The following CANT1 variants were observed in gnomAD, a reference collection of about 807,000 sequenced individuals.
CANT1 encodes the protein calcium activated nucleotidase 1, also known as soluble calcium-activated nucleotidase 1.
Under a neutral mutation model 30.0 loss-of-function variants are expected in CANT1, and 26 were observed. The observed-to-expected ratio is 0.87, with a 90% CI of 0.64 to 1.20. The LOEUF (loss-of-function observed/expected upper bound fraction) is 1.20, where lower values mean the gene tolerates loss of function less well. CANT1 is among the 50% of genes most tolerant of loss of function. CANT1 has a pLI of 0.00. For missense variants in CANT1, 518 were observed against 563.0 expected, an observed-to-expected ratio of 0.92 and a Z score of 0.81; for synonymous variants, 246 against 251.8, an observed-to-expected ratio of 0.98 and a Z score of 0.22.
chr17:78,996,601 G>T lies in CANT1; in HGVS notation c.631+391C>A, dbSNP rs564337513. On this transcript the variant is annotated intron_variant, in intron 3 of 4. Coordinates refer to ENST00000392446, the MANE Select transcript of CANT1 (RefSeq NM_001159773.2). This position sits in a 1 kb window ranked among gnomAD's most constrained non-coding sequence, Gnocchi z 5.1. ...TCTGGGTTTTGAGTGAGAACCATCT[G>T]TCCCCATGGCTTTCAGGGCAAGGCT... 1.3e-5 allele frequency among the ~76,000 whole-genome samples: 2 copies of T among 152,166 alleles called. No individual in the cohort carries two copies. Among genetic ancestry groups the T allele is most frequent in the African/African-American group, 4.8e-5 (2 of 41,426 alleles).
Position 78,993,590 on chromosome 17 carries a change from T to C in CANT1, c.1166A>G (p.Lys389Arg). 6.2e-7 allele frequency: 1 copy of C among 1,614,268 alleles called. No homozygotes were observed. Among genetic ancestry groups the C allele is most frequent in the Non-Finnish European group, 8.5e-7 (1 of 1,180,052 alleles). Residue 389 changes from lysine to arginine, a missense_variant, in exon 5 of 5, where the codon AAG becomes AGG. Lys to Arg is a conservative substitution (Grantham distance 26, BLOSUM62 2). Around this residue, in one of 3 missense-constraint regions of CANT1, gnomAD observed 221 missense variants for 211.8 expected, o/e 1.04. Transcript: ENST00000392446. This position sits in a 1 kb window ranked among gnomAD's most constrained non-coding sequence, Gnocchi z 4.5. ...LDGRFLLPET[K>R]IGSVKYEGIE... ...GCCTTCGTATTTCACGCTTCCGATC[T>C]TGGTCTCCGGCAACAGGAAGCGCCC... is the stretch of plus-strand genomic sequence containing the variant.
chr17:79,000,616 C>T (rs1296313222), intron 1 of CANT1, among the ~76,000 whole-genome samples: 2 of 152,200 alleles, frequency 1.3e-5, no homozygotes, highest in African/African-American at 4.8e-5. Flanking sequence ...TCTGCTCCCG[C>T]TCAGCCCTCA....
chr17:78,994,059 C>T, intron 4 of CANT1, 139 bp from the exon 5 acceptor site: 2 of 1,214,126 alleles, frequency 1.6e-6, no homozygotes, highest in South Asian at 3.1e-5. Context: ...CCCCTCCCTG[C>T]TCTCCAGGAT....
chr17:78,993,883 C>T lies in CANT1; in HGVS notation c.873G>A (p.Thr291=), dbSNP rs1179311283. The change falls in exon 5 of 5, where the codon ACG becomes ACA. Residue 291 remains threonine, a synonymous_variant. Coordinates refer to ENST00000392446, the MANE Select transcript of CANT1 (RefSeq NM_001159773.2). This position sits in a 1 kb window ranked among gnomAD's most constrained non-coding sequence, Gnocchi z 4.5. ...LIHESACWSD[T]LQRWFFLPRR... is the part of the protein sequence containing the mutation. ...GCGGCAGGAAGAACCAGCGCTGCAG[C>T]GTGTCACTCCAGCAGGCAGACTCAT... The T allele has an allele frequency of 1.9e-6, 3 of 1,593,590 alleles. No individual in the cohort carries two copies. Among genetic ancestry groups the T allele is most frequent in the Non-Finnish European group, 1.7e-6 (2 of 1,175,498 alleles).
At chr17:78,994,001 C>A in intron 4 of CANT1, 81 bp from the exon 5 acceptor site, 1 of 1,492,092 alleles carries the variant, frequency 6.7e-7, no homozygotes, top group Non-Finnish European at 8.9e-7. Context: ...TGCGCAGTAG[C>A]AGGCAAGGGG....
rs1461966801 is a variant in CANT1 at position 78,997,959 on chromosome 17, T to A, written c.-142A>T. On this transcript the variant is annotated 5_prime_UTR_variant, in exon 2 of 5. Transcript: ENST00000392446. The surrounding 1 kb of genome is among the most constrained non-coding windows in gnomAD (Gnocchi z 7.5). The stretch of plus-strand genomic sequence containing the variant: ...TTCCATGCAGGCTGGTGCTCTGTGG[T>A]CCCTCTAAAGAGAGAAGCGCAGGAG... The A allele has an allele frequency of 6.2e-6, 2 of 320,242 alleles. No individual in the cohort carries two copies. Among genetic ancestry groups the A allele is most frequent in the Non-Finnish European group, 1.2e-5 (2 of 172,926 alleles). 19.8% of individuals were successfully genotyped at this position (320,242 alleles called of 1,614,324 possible). A position where few individuals can be genotyped will look rare whatever the true frequency, so the allele number is the denominator to read the frequency against.
chr17:78,995,031 G>A lies in CANT1; in HGVS notation c.822C>T (p.Gly274=), dbSNP rs999550187. The stretch of plus-strand genomic sequence containing the variant: ...GGCGTCTCTTACCTGGCGGCTGGAT[G>A]CCGGCAGCAGCCCGCAGGGCGTTGT... ...SNYNALRAAA[G]IQPPGYLIHE... Residue 274 remains glycine, a synonymous_variant, in exon 4 of 5, where the codon GGC becomes GGT. Coordinates refer to ENST00000392446, the MANE Select transcript of CANT1 (RefSeq NM_001159773.2). The surrounding 1 kb of genome is among the most constrained non-coding windows in gnomAD (Gnocchi z 5.7). 2 of 1,576,254 alleles carry A rather than the reference G, an allele frequency of 1.3e-6. No individual in the cohort carries two copies. The highest frequency in any genetic ancestry group is 1.7e-6 in the Non-Finnish European group (2 of 1,161,462).
intron 1 of CANT1, among the ~76,000 whole-genome samples, chr17:79,006,881 C>T (rs748185093): frequency 6.6e-5 from 10 of 152,308 alleles, no homozygotes; most frequent in African/African-American, 1.9e-4. Flanking sequence ...CCTCCAGGCT[C>T]GGCTCCCGGG....
Position 78,993,481 on chromosome 17 carries a change from A to G in CANT1, c.*69T>C. On this transcript the variant is annotated 3_prime_UTR_variant, in exon 5 of 5. Transcript: ENST00000392446. The surrounding 1 kb of genome is among the most constrained non-coding windows in gnomAD (Gnocchi z 4.5). ...AGTTCCAAAAAGAACAAAACAAAACAAAAGTGCACTCCTCTTGTTTTTATA... is the reference window on the plus strand; with the variant it reads ...AGTTCCAAAAAGAACAAAACAAAACGAAAGTGCACTCCTCTTGTTTTTATA... 6.2e-7 allele frequency: 1 copy of G among 1,609,322 alleles called. No homozygotes were observed. Among genetic ancestry groups the G allele is most frequent in the Non-Finnish European group, 8.5e-7 (1 of 1,177,066 alleles).
rs2071191834 is a variant in CANT1, at chr17:78,999,921, A to G, written c.-146-1958T>C. On this transcript the variant is annotated intron_variant, in intron 1 of 4. Transcript: ENST00000392446. ...ACCTGCCTTGGCCTCCCAAAGTGCC[A>G]GGATTACAGGTGTGAGCCAACACAC... Among the ~76,000 whole-genome samples, 3 of 151,904 alleles carry G rather than the reference A, an allele frequency of 2.0e-5. No homozygotes were observed. In the South Asian group the frequency reaches 6.2e-4, roughly 32 times the overall value.
intron 1 of CANT1, among the ~76,000 whole-genome samples, chr17:79,007,912 G>T (rs1331723265): frequency 2.6e-5 from 4 of 152,204 alleles, no homozygotes; most frequent in African/African-American, 9.7e-5. Flanking sequence ...GTCCTATCCC[G>T]CTGCGAGTGG....
In CANT1 at chr17:79,009,738, G is replaced by C. The variant is rs545095727; in HGVS notation, c.-221C>G. On this transcript the variant is annotated 5_prime_UTR_variant, in exon 1 of 5. Coordinates refer to ENST00000392446, the MANE Select transcript of CANT1 (RefSeq NM_001159773.2). Reference sequence around the variant, plus strand: ...CTTGGCTGGGCTTGGCTGGGCTAACGGCCGGGACGGAGGAAGGTGGCCGAC... The same window carrying C: ...CTTGGCTGGGCTTGGCTGGGCTAACCGCCGGGACGGAGGAAGGTGGCCGAC... The C allele has an allele frequency of 1.3e-5, 2 of 151,700 alleles. No individual in the cohort carries two copies. The highest frequency in any genetic ancestry group is 1.3e-4 in the Admixed American group (2 of 15,240). 9.4% of individuals were successfully genotyped at this position (151,700 alleles called of 1,614,324 possible).
At chr17:79,006,749 A>G (rs961661761) in intron 1 of CANT1, among the ~76,000 whole-genome samples, 6 of 152,198 alleles carry the variant, frequency 3.9e-5, no homozygotes, top group African/African-American at 7.2e-5. Context: ...CCTTTTCCAG[A>G]GTGTGTGAAA....
Position 78,992,078 on chromosome 17 carries a change from G to A in CANT1, c.*1472C>T, listed in dbSNP as rs1325116679. On this transcript the variant is annotated 3_prime_UTR_variant, in exon 5 of 5. Transcript: ENST00000392446. ...TTGGGGCTTCCAGGCTATGCCCGGTGACAGCTGAGCTCTTCAGAAATGCGT... is the reference window on the plus strand; with the variant it reads ...TTGGGGCTTCCAGGCTATGCCCGGTAACAGCTGAGCTCTTCAGAAATGCGT... 2.2e-5 allele frequency: 5 copies of A among 232,206 alleles called. No homozygotes were observed. The highest frequency in any genetic ancestry group is 4.3e-5 in the Non-Finnish European group (5 of 117,468). The allele number at this position is 232,206 out of a possible 1,614,324, so 14.4% of individuals were successfully genotyped here.
chr17:79,009,533 G>C (rs1361495839), intron 1 of CANT1, 131 bp downstream of exon 1: 1 of 152,384 alleles, frequency 6.6e-6, no homozygotes, highest in African/African-American at 2.4e-5. Context: ...CGCACGGGTG[G>C]GACGGGAAGG....
chr17:78,993,176 G>A lies in CANT1; in HGVS notation c.*374C>T, dbSNP rs560554427. 8.6e-5 allele frequency: 33 copies of A among 385,026 alleles called. No homozygotes were observed. The highest frequency in any genetic ancestry group is 8.4e-4 in the South Asian group (28 of 33,324). 23.9% of individuals were successfully genotyped at this position (385,026 alleles called of 1,614,324 possible). On this transcript the variant is annotated 3_prime_UTR_variant, in exon 5 of 5. Coordinates refer to ENST00000392446, the MANE Select transcript of CANT1 (RefSeq NM_001159773.2). This position sits in a 1 kb window ranked among gnomAD's most constrained non-coding sequence, Gnocchi z 4.5. Reference sequence around the variant, plus strand: ...AACAGGTCCACCTCATGCTCACTGCGTTCTCAGGGTGAGGCATAGGGCCTG... The same window carrying A: ...AACAGGTCCACCTCATGCTCACTGCATTCTCAGGGTGAGGCATAGGGCCTG...
Position 78,993,508 on chromosome 17 carries a change from A to G in CANT1, c.*42T>C. The stretch of plus-strand genomic sequence containing the variant: ...AAGTGCACTCCTCTTGTTTTTATAA[A>G]AGCTGAGTCCTGATGGCCTTGCTCA... On this transcript the variant is annotated 3_prime_UTR_variant, in exon 5 of 5. Coordinates refer to ENST00000392446, the MANE Select transcript of CANT1 (RefSeq NM_001159773.2). The surrounding 1 kb of genome is among the most constrained non-coding windows in gnomAD (Gnocchi z 4.5). The G allele has an allele frequency of 6.2e-7, 1 of 1,613,926 alleles. No homozygotes were observed. Among genetic ancestry groups the G allele is most frequent in the Middle Eastern group, 1.7e-4 (1 of 6,012 alleles).
intron 1 of CANT1, among the ~76,000 whole-genome samples, chr17:79,001,755 T>C (rs2071270996): frequency 6.6e-6 from 1 of 152,054 alleles, no homozygotes; most frequent in Non-Finnish European, 1.5e-5. Context: ...GCAGGTCTTC[T>C]CGGCCCCCAC....
At position 79,000,576 on chromosome 17, in the gene CANT1, C is replaced by T. The variant is rs368607524; in HGVS notation, c.-146-2613G>A. ...TCAGATGGCACACTCCCAGCTTCAG[C>T]GGCTTCCTCAGGTCCTGGGGTGAAC... On this transcript the variant is annotated intron_variant, in intron 1 of 4. Coordinates refer to ENST00000392446, the MANE Select transcript of CANT1 (RefSeq NM_001159773.2). 3.9e-5 allele frequency among the ~76,000 whole-genome samples: 6 copies of T among 152,110 alleles called. No individual in the cohort carries two copies. In the South Asian group the frequency reaches 1.0e-3, roughly 26 times the overall value.
Sources: gnomAD v4.1 joint callset for allele counts (sites outside exome capture counted in the v4.1 genomes callset) on GRCh38, gnomAD v4.1.1 for gene constraint, gnomAD v4.1.1 regional missense constraint, Gnocchi (gnomAD v3.1) non-coding constraint, MANE v1.5 for transcripts, NCBI Gene and HGNC (gene_info 2026-07-23, HGNC 2026-07-21) for gene names.